The following LMLN variants were observed in gnomAD, a reference collection of about 807,000 sequenced individuals.
LMLN encodes the protein leishmanolysin like peptidase.
A neutral mutation model predicts 92.3 loss-of-function variants in LMLN; 70 were observed. That is an observed-to-expected ratio of 0.76 (90% CI 0.63 to 0.92). The LOEUF is 0.92. Among genes scored for constraint, LMLN ranks in the 40% least tolerant of loss-of-function variants. The pLI is 0.00. For synonymous variants in LMLN, 308 were observed against 296.2 expected (o/e 1.04, Z -0.41); for missense variants, 691 against 814.6 (o/e 0.85, Z 1.85).
At chr3:197,964,853 A>G (rs1295906367) in intron 1 of LMLN, among the ~76,000 whole-genome samples, 1 of 151,924 alleles carries the variant, frequency 6.6e-6, no homozygotes, top group Non-Finnish European at 1.5e-5. Context: ...CTAAAAATAC[A>G]AAAATTAACC....
chr3:197,976,725 C>T lies in LMLN; in HGVS notation c.549+10C>T. 1 of 1,413,884 alleles carries T rather than the reference C, an allele frequency of 7.1e-7. No individual in the cohort carries two copies. Among genetic ancestry groups the T allele is most frequent in the Non-Finnish European group, 9.7e-7 (1 of 1,029,760 alleles). The allele number at this position is 1,413,884 out of a possible 1,614,324, so 87.6% of individuals were successfully genotyped here. A position where few individuals can be genotyped will look rare whatever the true frequency, so the allele number is the denominator to read the frequency against. On this transcript the variant is annotated intron_variant, in intron 5 of 15. Coordinates refer to ENST00000330198, the Ensembl canonical transcript of LMLN. Reference sequence around the variant, plus strand: ...TGAGGAACATCTCCAGGTATTTCACCCTGCTCTTGGCAGTGCTTTTACACC... The same window carrying T: ...TGAGGAACATCTCCAGGTATTTCACTCTGCTCTTGGCAGTGCTTTTACACC...
intron 1 of LMLN, among the ~76,000 whole-genome samples, chr3:197,961,637 C>T (rs1436155210): frequency 6.6e-6 from 1 of 152,150 alleles, no homozygotes; most frequent in East Asian, 1.9e-4. Context: ...TATATAAATA[C>T]CCTGTCGTCC....
At chr3:198,009,888 C>T (rs1722387835) in intron 11 of LMLN, among the ~76,000 whole-genome samples, 1 of 152,074 alleles carries the variant, frequency 6.6e-6, no homozygotes, top group Non-Finnish European at 1.5e-5. Context: ...TTGATATAGG[C>T]ATACACTGTG....
chr3:198,037,868 T>C (rs1723276082), intron 15 of LMLN, among the ~76,000 whole-genome samples: 1 of 152,236 alleles, frequency 6.6e-6, no homozygotes, highest in African/African-American at 2.4e-5. Flanking sequence ...TGATTGGTGA[T>C]ATGAATGTAT....
chr3:197,962,121 C>G (rs567620180), intron 1 of LMLN, among the ~76,000 whole-genome samples: 142 of 152,262 alleles, frequency 9.3e-4, no homozygotes, highest in Middle Eastern at 3.4e-3. Context: ...ACGTTCCCTC[C>G]TGTCCTGTGC....
chr3:197,997,928 T>C (rs1722073411), intron 10 of LMLN, among the ~76,000 whole-genome samples: 1 of 152,268 alleles, frequency 6.6e-6, no homozygotes, highest in Non-Finnish European at 1.5e-5. Context: ...TTTATATCTG[T>C]GATACCCAGG....
chr3:198,005,335 A>G (rs886072160), intron 11 of LMLN, among the ~76,000 whole-genome samples: 1 of 152,024 alleles, frequency 6.6e-6, no homozygotes, highest in African/African-American at 2.4e-5. Context: ...ATGTATATAT[A>G]CAGTTGTTCT....
At chr3:197,999,681 C>G (rs1205939824) in intron 11 of LMLN, 1 of 204,836 alleles carries the variant, frequency 4.9e-6, no homozygotes, top group Admixed American at 5.7e-5. Flanking sequence ...GCACGTGCCA[C>G]CATGCCTGGC....
chr3:198,036,327 C>T (rs542809759), intron 15 of LMLN, among the ~76,000 whole-genome samples: 10 of 152,136 alleles, frequency 6.6e-5, no homozygotes, highest in African/African-American at 2.4e-4. Context: ...AACGTTGTAT[C>T]CATTCATTTG....
chr3:198,014,949 TC>T (rs1263999293), intron 11 of LMLN, among the ~76,000 whole-genome samples: 1 of 134,736 alleles, frequency 7.4e-6, no homozygotes, highest in Non-Finnish European at 1.6e-5. Context: ...TCTCCACCCT[TC>T]AGAGCCCCCT....
rs1260852398 is a variant in LMLN, at chr3:198,020,766, G to GTTTGTTTTTTTT, written c.1366-679_1366-678insTTGTTTTTTTTT. Among the ~76,000 whole-genome samples the GTTTGTTTTTTTT allele has an allele frequency of 4.0e-3, 103 of 25,626 alleles. 6 individuals are homozygous for GTTTGTTTTTTTT. The highest frequency in any genetic ancestry group is 0.018 in the African/African-American group (99 of 5,464). 16.8% of individuals were successfully genotyped at this position (25,626 alleles called of 152,430 possible). On this transcript the variant is annotated intron_variant, in intron 12 of 15. Coordinates refer to ENST00000330198, the Ensembl canonical transcript of LMLN. ...GCGCCACCACACCCAGCTAATTTTTGTATTTTTTTTTTTTTTTTTTTTTTT... is the reference window on the plus strand; with the variant it reads ...GCGCCACCACACCCAGCTAATTTTTGTTTGTTTTTTTTTATTTTTTTTTTTTTTTTTTTTTTT...
chr3:198,010,427 G>A (rs1722401929), intron 11 of LMLN, among the ~76,000 whole-genome samples: 1 of 150,064 alleles, frequency 6.7e-6, no homozygotes, highest in African/African-American at 2.5e-5. Flanking sequence ...GGGATGACAG[G>A]TGTGAGTCAC....
chr3:198,012,957 C>G (rs1461461335), intron 11 of LMLN, among the ~76,000 whole-genome samples: 1 of 115,420 alleles, frequency 8.7e-6, no homozygotes, highest in Non-Finnish European at 1.7e-5. Flanking sequence ...CCTTCAGAGC[C>G]CCCTAACTAG....
chr3:198,029,793 G>T (rs999001921), intron 14 of LMLN, among the ~76,000 whole-genome samples: 1 of 152,020 alleles, frequency 6.6e-6, no homozygotes, highest in African/African-American at 2.4e-5. Context: ...TTTTGTTGGG[G>T]GTGGAGGAGT....
chr3:198,034,880 A>G (rs1162470972), intron 14 of LMLN, among the ~76,000 whole-genome samples: 1 of 152,096 alleles, frequency 6.6e-6, no homozygotes, highest in African/African-American at 2.4e-5. Flanking sequence ...AAACATTTTT[A>G]TAATTTCAAA....
chr3:197,977,395 A>C (rs1721415392), intron 5 of LMLN, among the ~76,000 whole-genome samples: 3 of 152,228 alleles, frequency 2.0e-5, no homozygotes, highest in African/African-American at 7.2e-5. Flanking sequence ...TACATATAAA[A>C]TCATCAAACA....
intron 1 of LMLN, among the ~76,000 whole-genome samples, chr3:197,968,980 A>T (rs1430001393): frequency 6.6e-6 from 1 of 152,210 alleles, no homozygotes; most frequent in Non-Finnish European, 1.5e-5. Flanking sequence ...ATTTATGGAC[A>T]TGAAGTTTTT....
At chr3:197,965,001 C>G (rs1442557578) in intron 1 of LMLN, among the ~76,000 whole-genome samples, 1 of 144,880 alleles carries the variant, frequency 6.9e-6, no homozygotes, top group African/African-American at 2.6e-5. Context: ...GAGCGAAACT[C>G]TGTCTCAAAA....
chr3:198,027,728 C>A (rs1722972859), intron 14 of LMLN, among the ~76,000 whole-genome samples: 1 of 152,158 alleles, frequency 6.6e-6, no homozygotes, highest in Admixed American at 6.6e-5. Context: ...AATAACACTC[C>A]ATTGTATGGA....
Sources: allele counts gnomAD v4.1 joint callset (sites outside exome capture counted in the v4.1 genomes callset), GRCh38; gene constraint gnomAD v4.1.1; transcripts MANE v1.5; gene names NCBI Gene and HGNC (gene_info 2026-07-23, HGNC 2026-07-21).